Variants in LRFN2 observed in about 807,000 individuals in gnomAD.
LRFN2 encodes the protein leucine-rich repeat and fibronectin type-III domain-containing protein 2.
Under a neutral mutation model 37.3 loss-of-function variants are expected in LRFN2, and 18 were observed. The observed-to-expected ratio is 0.48, with a 90% confidence interval of 0.33 to 0.72. The LOEUF (loss-of-function observed/expected upper bound fraction) is 0.72. Ranked by LOEUF, LRFN2 falls within the 30% of genes least tolerant of loss-of-function variation. The probability of loss-of-function intolerance (pLI) is 0.02; values close to 1 mark genes in which losing one functional copy is unlikely to be tolerated. For missense variants in LRFN2, 1,006 were observed against 1,060.7 expected (o/e 0.95, Z 0.72); for synonymous variants, 556 against 466.6 (o/e 1.19, Z -2.47).
At chr6:40,536,732 T>C (rs1454662790) in intron 1 of LRFN2, among the ~76,000 whole-genome samples, 1 of 151,916 alleles carries the variant, frequency 6.6e-6, no homozygotes, top group Non-Finnish European at 1.5e-5. Flanking sequence ...CCCTCAAAGC[T>C]CAGGAGCCAG....
At chr6:40,485,895 C>A (rs2113866447) in intron 1 of LRFN2, among the ~76,000 whole-genome samples, 1 of 152,202 alleles carries the variant, frequency 6.6e-6, no homozygotes, top group East Asian at 1.9e-4. Flanking sequence ...AGTAGGGGAA[C>A]TGAAAAGGGA....
At chr6:40,469,801 C>T (rs1417532681) in intron 1 of LRFN2, among the ~76,000 whole-genome samples, 4 of 152,182 alleles carry the variant, frequency 2.6e-5, no homozygotes, top group Non-Finnish European at 5.9e-5. Flanking sequence ...CCTCCCTTAC[C>T]CTAATAGCCT....
intron 2 of LRFN2, among the ~76,000 whole-genome samples, chr6:40,398,462 G>C (rs879486475): frequency 4.0e-5 from 6 of 151,808 alleles, no homozygotes; most frequent in Non-Finnish European, 8.8e-5. Context: ...AGAGTTCACA[G>C]GCACATGCAG....
In LRFN2 at chr6:40,431,674, C is replaced by A. The variant is rs758239989; in HGVS notation, c.1400+40G>T. ...TCCCCATCCCCTCCTCCTTCCCCAG[C>A]CAGACACCCTCCCTGCCTTTGCCAC... On this transcript the variant is annotated intron_variant, in intron 2 of 2. Coordinates refer to ENST00000338305, the MANE Select transcript of LRFN2 (RefSeq NM_020737.3). 7 of 1,486,310 alleles carry A rather than the reference C, an allele frequency of 4.7e-6. No individual in the cohort carries two copies. In the South Asian group the frequency reaches 8.4e-5, roughly 18 times the overall value. 92.1% of individuals were successfully genotyped at this position (1,486,310 alleles called of 1,614,324 possible). A position where few individuals can be genotyped will look rare whatever the true frequency, so the allele number is the denominator to read the frequency against.
intron 1 of LRFN2, among the ~76,000 whole-genome samples, chr6:40,496,400 A>G (rs896011722): frequency 1.2e-4 from 18 of 152,162 alleles, no homozygotes; most frequent in African/African-American, 4.3e-4. Flanking sequence ...CAGGGGTAAA[A>G]GACACAGCCC....
intron 1 of LRFN2, among the ~76,000 whole-genome samples, chr6:40,575,700 C>A (rs1012907485): frequency 6.6e-6 from 1 of 152,118 alleles, no homozygotes; most frequent in South Asian, 2.1e-4. Context: ...GCCATCCCAC[C>A]CCATCCCCAC....
chr6:40,432,413 G>A lies in LRFN2; in HGVS notation c.701C>T (p.Pro234Leu), dbSNP rs764718184. Residue 234 changes from proline (P) to leucine (L), a missense_variant, in exon 2 of 3, where the codon CCC becomes CTC. Around this residue, in one of 4 missense-constraint regions of LRFN2, gnomAD observed 303 missense variants for 299.8 expected, o/e 1.01. Coordinates refer to ENST00000338305, the MANE Select transcript of LRFN2 (RefSeq NM_020737.3). ...SALTATPFAP[P>L]LSFSFGGNPL... ...GTTACCCCCAAAACTAAAGGACAAG[G>A]GTGGGGCAAAGGGTGTGGCTGTCAA... 18 of 1,614,194 alleles carry A rather than the reference G, an allele frequency of 1.1e-5. No homozygotes were observed. The highest frequency in any genetic ancestry group is 1.6e-4 in the Middle Eastern group (1 of 6,062).
At chr6:40,481,031 C>T (rs906051575) in intron 1 of LRFN2, among the ~76,000 whole-genome samples, 4 of 152,164 alleles carry the variant, frequency 2.6e-5, no homozygotes, top group African/African-American at 9.7e-5. Flanking sequence ...ATATTAATCA[C>T]CAGTGCCATG....
intron 1 of LRFN2, among the ~76,000 whole-genome samples, chr6:40,534,778 T>C (rs1397602806): frequency 6.6e-6 from 1 of 152,160 alleles, no homozygotes; most frequent in African/African-American, 2.4e-5. Flanking sequence ...AGGTGACCCA[T>C]AGCCTGTGGT....
intron 1 of LRFN2, among the ~76,000 whole-genome samples, chr6:40,467,339 C>T: frequency 6.6e-6 from 1 of 152,070 alleles, no homozygotes; most frequent in East Asian, 1.9e-4. Context: ...CTGGGGCAGG[C>T]CCAGCTGCCT....
At chr6:40,530,116 C>T (rs567034429) in intron 1 of LRFN2, among the ~76,000 whole-genome samples, 4 of 152,290 alleles carry the variant, frequency 2.6e-5, no homozygotes, top group South Asian at 2.1e-4. Flanking sequence ...CAGAGACAGA[C>T]GCCCTCTCTT....
intron 1 of LRFN2, among the ~76,000 whole-genome samples, chr6:40,441,337 G>A (rs1315514910): frequency 6.6e-6 from 1 of 152,178 alleles, no homozygotes; most frequent in African/African-American, 2.4e-5. Flanking sequence ...GTGTGTGTGA[G>A]GAAGATCTGT....
chr6:40,414,014 A>C (rs1301974944), intron 2 of LRFN2, among the ~76,000 whole-genome samples: 1 of 152,230 alleles, frequency 6.6e-6, no homozygotes, highest in Non-Finnish European at 1.5e-5. Flanking sequence ...TATGACTCCA[A>C]GACGCTCGTC....
intron 2 of LRFN2, among the ~76,000 whole-genome samples, chr6:40,426,713 A>T (rs913442006): frequency 6.6e-6 from 1 of 152,204 alleles, no homozygotes; most frequent in Non-Finnish European, 1.5e-5. Flanking sequence ...TAAAGGAGCC[A>T]TGAGTTCTTT....
chr6:40,552,196 C>T (rs146700094), intron 1 of LRFN2, among the ~76,000 whole-genome samples: 236 of 152,310 alleles, frequency 1.5e-3, no homozygotes, highest in African/African-American at 5.1e-3. Flanking sequence ...GAAGTGAGCC[C>T]AGGAATCCTT....
At chr6:40,568,734 T>TCC (rs1410659844) in intron 1 of LRFN2, among the ~76,000 whole-genome samples, 1 of 148,176 alleles carries the variant, frequency 6.7e-6, no homozygotes, top group African/African-American at 2.5e-5. Context: ...CTTCCTTCCT[T>TCC]TTTTGAGACG....
chr6:40,444,516 C>T (rs1581710897), intron 1 of LRFN2, among the ~76,000 whole-genome samples: 1 of 152,180 alleles, frequency 6.6e-6, no homozygotes, highest in African/African-American at 2.4e-5. Flanking sequence ...TTGCTCTCTG[C>T]ATTCCTAATA....
intron 1 of LRFN2, among the ~76,000 whole-genome samples, chr6:40,469,015 AAAAGGGT>A (rs1764535240): frequency 6.6e-6 from 1 of 152,222 alleles, no homozygotes; most frequent in Non-Finnish European, 1.5e-5. Context: ...CTTATCTAAA[AAAAGGGT>A]ATTTCCAGAT....
At chr6:40,500,826 T>C (rs1050155469) in intron 1 of LRFN2, among the ~76,000 whole-genome samples, 16 of 152,140 alleles carry the variant, frequency 1.1e-4, no homozygotes, top group African/African-American at 3.9e-4. Context: ...AAAAATAACA[T>C]CTACAGGTTT....
Sources: gnomAD v4.1 joint callset for allele counts (sites outside exome capture counted in the v4.1 genomes callset) on GRCh38, gnomAD v4.1.1 for gene constraint, gnomAD v4.1.1 regional missense constraint, MANE v1.5 for transcripts, NCBI Gene and HGNC (gene_info 2026-07-23, HGNC 2026-07-21) for gene names.